TMPRSS11E: variants seen among roughly 807,000 people sequenced by gnomAD.
TMPRSS11E encodes the protein transmembrane serine protease 11E.
In TMPRSS11E, 38 loss-of-function variants were observed where a neutral mutation model predicts 48.1. The observed-to-expected ratio is 0.79, with a 90% confidence interval of 0.61 to 1.04. TMPRSS11E has a LOEUF of 1.04. Ranked by LOEUF, TMPRSS11E falls within the 50% of genes least tolerant of loss-of-function variation. TMPRSS11E has a pLI of 0.00. For missense variants in TMPRSS11E, 530 were observed against 510.8 expected, an observed-to-expected ratio of 1.04 and a Z score of -0.36; for synonymous variants, 158 against 171.9, an observed-to-expected ratio of 0.92 and a Z score of 0.63.
chr4:68,486,034 T>A (rs889179243), intron 9 of TMPRSS11E, among the ~76,000 whole-genome samples: 1 of 152,192 alleles, frequency 6.6e-6, no homozygotes, highest in Admixed American at 6.5e-5. Flanking sequence ...TTTCTTTTTT[T>A]TCTTTGTTAG....
At chr4:68,463,158 A>G (rs146323380) in intron 2 of TMPRSS11E, among the ~76,000 whole-genome samples, 7 of 152,346 alleles carry the variant, frequency 4.6e-5, no homozygotes, top group Non-Finnish European at 1.0e-4. Flanking sequence ...ACGCAAGTAT[A>G]ATCTCAATTT....
rs1253115187 is a variant in TMPRSS11E, at chr4:68,466,612, T to G, written c.137-19T>G. ...CATCTGATAAAAATTATGATAGTGT[T>G]TTGCTTCTTTCCTTGTAGATCAAAA... On this transcript the variant is annotated intron_variant, in intron 2 of 9. Coordinates refer to ENST00000305363, the MANE Select transcript of TMPRSS11E (RefSeq NM_014058.4). 4.4e-6 allele frequency: 7 copies of G among 1,608,764 alleles called. No homozygotes were observed. The highest frequency in any genetic ancestry group is 1.7e-6 in the Non-Finnish European group (2 of 1,177,992).
chr4:68,450,083 G>A (rs935874471), intron 1 of TMPRSS11E, among the ~76,000 whole-genome samples: 5 of 151,616 alleles, frequency 3.3e-5, no homozygotes, highest in African/African-American at 1.2e-4. Flanking sequence ...TGTGACATTA[G>A]TCAGTATGGA....
intron 5 of TMPRSS11E, among the ~76,000 whole-genome samples, chr4:68,472,097 G>T (rs1043361149): frequency 6.6e-6 from 1 of 151,876 alleles, no homozygotes; most frequent in Admixed American, 6.6e-5. Flanking sequence ...AACTATAAAT[G>T]AAAAATTTAG....
intron 9 of TMPRSS11E, among the ~76,000 whole-genome samples, chr4:68,496,224 C>T (rs1729860266): frequency 6.6e-6 from 1 of 151,816 alleles, no homozygotes; most frequent in South Asian, 2.1e-4. Context: ...ACTCTAATGT[C>T]TGTTTTTTTT....
At chr4:68,478,064 T>A (rs1477510459) in intron 8 of TMPRSS11E, among the ~76,000 whole-genome samples, 2 of 152,134 alleles carry the variant, frequency 1.3e-5, no homozygotes, top group African/African-American at 2.4e-5. Flanking sequence ...GGCACCCAAC[T>A]TTTTGCTCAA....
intron 9 of TMPRSS11E, among the ~76,000 whole-genome samples, chr4:68,495,492 A>G (rs1213498946): frequency 2.6e-5 from 4 of 152,154 alleles, no homozygotes; most frequent in Admixed American, 6.6e-5. Flanking sequence ...GCAGGTTTCT[A>G]GAGGACAAGA....
Position 68,496,729 on chromosome 4 carries a change from G to T in TMPRSS11E, c.1197G>T (p.Ala399=). 2.5e-6 allele frequency: 4 copies of T among 1,613,684 alleles called. No homozygotes were observed. Among genetic ancestry groups the T allele is most frequent in the Non-Finnish European group, 3.4e-6 (4 of 1,179,720 alleles). ...AGIVSWGDEC[A]KPNKPGVYTR... is the part of the protein sequence containing the mutation. ...TAGTGAGCTGGGGAGATGAATGTGC[G>T]AAACCCAACAAGCCTGGTGTTTATA... is the stretch of plus-strand genomic sequence containing the variant. Residue 399 remains alanine, a synonymous_variant, in exon 10 of 10, where the codon GCG becomes GCT. Transcript: ENST00000305363.
chr4:68,490,947 C>A (rs530780519), intron 9 of TMPRSS11E, among the ~76,000 whole-genome samples: 2 of 151,646 alleles, frequency 1.3e-5, no homozygotes, highest in Non-Finnish European at 2.9e-5. Flanking sequence ...TTAGTAGAGA[C>A]GGCGTTTTGC....
intron 9 of TMPRSS11E, among the ~76,000 whole-genome samples, chr4:68,491,570 A>G (rs1729723873): frequency 6.6e-6 from 1 of 152,132 alleles, no homozygotes; most frequent in South Asian, 2.1e-4. Flanking sequence ...ATTGCCACCA[A>G]TTTTGTGCCT....
chr4:68,483,621 A>G (rs1729471151), intron 9 of TMPRSS11E, among the ~76,000 whole-genome samples: 1 of 152,174 alleles, frequency 6.6e-6, no homozygotes. Flanking sequence ...TCCTGTGCAG[A>G]AGCTCTTTAG....
At chr4:68,460,672 A>G (rs1728763912) in intron 1 of TMPRSS11E, among the ~76,000 whole-genome samples, 1 of 152,186 alleles carries the variant, frequency 6.6e-6, no homozygotes, top group Admixed American at 6.5e-5. Context: ...CTAAAATAAG[A>G]GTATCATATT....
At chr4:68,471,700 T>G (rs1476018947) in intron 5 of TMPRSS11E, 77 bp downstream of exon 5, 3 of 1,177,044 alleles carry the variant, frequency 2.5e-6, no homozygotes, top group Non-Finnish European at 3.4e-6. Context: ...TTAAAAAATT[T>G]TTTTTGATGT....
intron 1 of TMPRSS11E, among the ~76,000 whole-genome samples, chr4:68,448,625 G>A (rs1205751542): frequency 6.6e-6 from 1 of 151,688 alleles, no homozygotes; most frequent in Non-Finnish European, 1.5e-5. Flanking sequence ...AATGTGTAGA[G>A]GCGGTATAAT....
At chr4:68,463,872 T>G (rs1403140823) in intron 2 of TMPRSS11E, among the ~76,000 whole-genome samples, 1 of 152,168 alleles carries the variant, frequency 6.6e-6, no homozygotes, top group East Asian at 1.9e-4. Context: ...TTGTCTGACT[T>G]CACAAGGAAT....
chr4:68,492,235 T>C (rs965636009), intron 9 of TMPRSS11E, among the ~76,000 whole-genome samples: 5 of 152,228 alleles, frequency 3.3e-5, no homozygotes, highest in African/African-American at 4.8e-5. Flanking sequence ...TGATCCTTGT[T>C]ATTTGCAGAT....
chr4:68,496,921 A>C lies in TMPRSS11E; in HGVS notation c.*117A>C. On this transcript the variant is annotated 3_prime_UTR_variant, in exon 10 of 10. Coordinates refer to ENST00000305363, the MANE Select transcript of TMPRSS11E (RefSeq NM_014058.4). The stretch of plus-strand genomic sequence containing the variant: ...AAAACAGCTAGATTTGACTGATCTC[A>C]ATAAACTGTTTGCTTGATGCATGTA... 60 of 1,044,544 alleles carry C rather than the reference A, an allele frequency of 5.7e-5. No homozygotes were observed. Among genetic ancestry groups the C allele is most frequent in the Non-Finnish European group, 7.4e-5 (52 of 707,156 alleles). 64.7% of individuals were successfully genotyped at this position (1,044,544 alleles called of 1,614,324 possible). A position where few individuals can be genotyped will look rare whatever the true frequency, so the allele number is the denominator to read the frequency against.
chr4:68,452,387 ATAT>A (rs1560545335), intron 1 of TMPRSS11E, among the ~76,000 whole-genome samples: 1 of 152,030 alleles, frequency 6.6e-6, no homozygotes, highest in Non-Finnish European at 1.5e-5. Flanking sequence ...AACAATAAAA[ATAT>A]TATTTGACGT....
chr4:68,497,423 A>G lies in TMPRSS11E; in HGVS notation c.*619A>G, dbSNP rs891075137. The G allele has an allele frequency of 6.6e-6, 1 of 152,150 alleles. No individual in the cohort carries two copies. Among genetic ancestry groups the G allele is most frequent in the Non-Finnish European group, 1.5e-5 (1 of 68,008 alleles). The allele number at this position is 152,150 out of a possible 1,614,324, so 9.4% of individuals were successfully genotyped here. On this transcript the variant is annotated 3_prime_UTR_variant, in exon 10 of 10. Coordinates refer to ENST00000305363, the MANE Select transcript of TMPRSS11E (RefSeq NM_014058.4). ...GAAATCCAGAAAGAAGCCAAGATAT[A>G]TCCTTATTTTCATTTCCAAACAACT...
Sources: gnomAD v4.1 joint callset for allele counts (sites outside exome capture counted in the v4.1 genomes callset) on GRCh38, gnomAD v4.1.1 for gene constraint, MANE v1.5 for transcripts, NCBI Gene and HGNC (gene_info 2026-07-23, HGNC 2026-07-21) for gene names.